ALCAM: variants seen among roughly 807,000 people sequenced by gnomAD.
ALCAM encodes activated leukocyte cell adhesion molecule.
A neutral mutation model predicts 70.9 loss-of-function variants in ALCAM; 30 were observed. The observed-to-expected ratio is 0.42, with a 90% CI of 0.32 to 0.57. The LOEUF (loss-of-function observed/expected upper bound fraction) is 0.57, where lower values mean the gene tolerates loss of function less well. ALCAM is among the 20% of genes least tolerant of loss of function. The probability of loss-of-function intolerance (pLI) is 0.11; values close to 1 mark genes in which losing one functional copy is unlikely to be tolerated. For missense variants in ALCAM, 591 were observed against 695.1 expected (o/e 0.85, Z 1.68); for synonymous variants, 249 against 242.5 (o/e 1.03, Z -0.25).
Position 105,571,831 on chromosome 3 carries a change from GTTTA to G in ALCAM, c.1665-16_1665-13del, listed in dbSNP as rs1483158577. ...AACATGTATGTGTCAATATGATGAA[GTTTA>G]TTTAATTCTCTTACAGGACTGCATC... is the stretch of plus-strand genomic sequence containing the variant. On this transcript the variant is annotated splice_polypyrimidine_tract_variant and intron_variant, in intron 14 of 15. Transcript: ENST00000306107. 1.6e-5 allele frequency: 25 copies of G among 1,538,082 alleles called. No homozygotes were observed. Among genetic ancestry groups the G allele is most frequent in the Non-Finnish European group, 2.1e-5 (23 of 1,120,460 alleles).
At chr3:105,565,405 T>A (rs1181593423) in intron 14 of ALCAM, among the ~76,000 whole-genome samples, 1 of 152,204 alleles carries the variant, frequency 6.6e-6, no homozygotes, top group Non-Finnish European at 1.5e-5. Context: ...AGTTGCAATA[T>A]CTGATCTTCC....
chr3:105,416,699 T>G (rs1185383361), intron 1 of ALCAM, among the ~76,000 whole-genome samples: 1 of 152,056 alleles, frequency 6.6e-6, no homozygotes, highest in Non-Finnish European at 1.5e-5. Flanking sequence ...ATCTTATTTC[T>G]ATGCATTGCC....
chr3:105,400,261 T>A (rs1257349949), intron 1 of ALCAM, among the ~76,000 whole-genome samples: 1 of 152,136 alleles, frequency 6.6e-6, no homozygotes, highest in African/African-American at 2.4e-5. Flanking sequence ...AAGCTTCTAA[T>A]CTGCCATTGA....
chr3:105,573,639 G>A (rs1412971590), intron 15 of ALCAM, among the ~76,000 whole-genome samples: 1 of 152,052 alleles, frequency 6.6e-6, no homozygotes, highest in African/African-American at 2.4e-5. Flanking sequence ...GCAATTTGAG[G>A]TTTTTCTTTT....
chr3:105,488,086 G>A (rs1340536740), intron 1 of ALCAM, among the ~76,000 whole-genome samples: 1 of 152,258 alleles, frequency 6.6e-6, no homozygotes, highest in African/African-American at 2.4e-5. Flanking sequence ...GGTCCTGGGA[G>A]AACTGCTTGT....
intron 1 of ALCAM, among the ~76,000 whole-genome samples, chr3:105,378,070 TCAG>T (rs1350774252): frequency 6.6e-6 from 1 of 152,000 alleles, no homozygotes; most frequent in Non-Finnish European, 1.5e-5. Context: ...ACAAAGCTTG[TCAG>T]AATTTTGTAT....
intron 13 of ALCAM, 129 bp downstream of exon 13, chr3:105,552,311 A>G: frequency 1.6e-6 from 2 of 1,281,094 alleles, no homozygotes; most frequent in Non-Finnish European, 2.2e-6. Flanking sequence ...ACAAGATAGT[A>G]AGAATGCTAA....
chr3:105,495,172 C>A (rs187608468), intron 1 of ALCAM, among the ~76,000 whole-genome samples: 9 of 152,268 alleles, frequency 5.9e-5, no homozygotes, highest in African/African-American at 2.2e-4. Context: ...TCTGTGGTGA[C>A]GAGCTTGTGA....
At chr3:105,440,865 T>A (rs1357185060) in intron 1 of ALCAM, 1 of 152,294 alleles carries the variant, frequency 6.6e-6, no homozygotes, top group Non-Finnish European at 1.5e-5. Context: ...GAAGGACTGA[T>A]GTGAGTTACT....
chr3:105,440,552 C>T (rs1937147809), intron 1 of ALCAM, among the ~76,000 whole-genome samples: 1 of 152,086 alleles, frequency 6.6e-6, no homozygotes, highest in Admixed American at 6.5e-5. Flanking sequence ...TCAGCTAAGG[C>T]CCAGCAAATG....
chr3:105,534,787 T>C lies in ALCAM; in HGVS notation c.672T>C (p.Tyr224=), dbSNP rs79951414. 834 of 1,613,802 alleles carry C rather than the reference T, an allele frequency of 5.2e-4. 4 individuals are homozygous for C. The African/African-American group carries it at 9.4e-3, about 18-fold the overall frequency. ...TGCCATTCACCTGCTCGGTGACATA[T>C]TATGGACCATCTGGCCAGAAAACAA... The part of the protein sequence containing the change: ...IQMPFTCSVT[Y]YGPSGQKTIH... The change falls in exon 6 of 16, where the codon TAT becomes TAC. Residue 224 remains tyrosine (Y), a synonymous_variant. Transcript: ENST00000306107.
intron 1 of ALCAM, among the ~76,000 whole-genome samples, chr3:105,461,042 C>T (rs34198525): frequency 0.28 from 40,425 of 145,180 alleles, 5,863 homozygotes; most frequent in Admixed American, 0.46. Context: ...GTGTGGTGTG[C>T]GTTGGGGTGA....
chr3:105,530,679 C>T (rs1035956520), intron 3 of ALCAM, among the ~76,000 whole-genome samples: 5 of 151,486 alleles, frequency 3.3e-5, no homozygotes, highest in African/African-American at 9.7e-5. Context: ...TTAAGTAGGC[C>T]CTCTTATAAT....
chr3:105,451,270 G>T (rs971860479), intron 1 of ALCAM, among the ~76,000 whole-genome samples: 1 of 148,338 alleles, frequency 6.7e-6, no homozygotes, highest in Non-Finnish European at 1.5e-5. Context: ...AAGAAAGGAA[G>T]GAAAGGAAGG....
chr3:105,461,020 GTGTC>G (rs1393638237), intron 1 of ALCAM, among the ~76,000 whole-genome samples: 2 of 151,912 alleles, frequency 1.3e-5, no homozygotes, highest in African/African-American at 4.8e-5. Context: ...GTGTGTATGT[GTGTC>G]TGCATGTGTG....
At chr3:105,392,295 C>A (rs1408329416) in intron 1 of ALCAM, among the ~76,000 whole-genome samples, 2 of 151,710 alleles carry the variant, frequency 1.3e-5, no homozygotes, top group Non-Finnish European at 2.9e-5. Context: ...CTGGTTTAGT[C>A]TTGGGGTGGT....
intron 14 of ALCAM, 148 bp from the exon 15 acceptor site, chr3:105,571,704 C>G (rs1273444828): frequency 1.7e-6 from 1 of 578,622 alleles, no homozygotes; most frequent in African/African-American, 1.9e-5. Flanking sequence ...CATTATCAGT[C>G]AAGGCTCACA....
chr3:105,553,158 TTA>T lies in ALCAM; in HGVS notation c.1664+574_1664+575del, dbSNP rs1330541188. ...GTACCAACACTACATTAAAAATGCT[TTA>T]GAGATGTTAAACATTATTAGTTATA... On this transcript the variant is annotated intron_variant, in intron 14 of 15. Transcript: ENST00000306107. 3.3e-6 allele frequency: 3 copies of T among 905,788 alleles called. No individual in the cohort carries two copies. In the African/African-American group the frequency reaches 5.4e-5, roughly 16 times the overall value. 56.1% of individuals were successfully genotyped at this position (905,788 alleles called of 1,614,324 possible).
chr3:105,382,703 T>C (rs906715431), intron 1 of ALCAM, among the ~76,000 whole-genome samples: 1 of 152,060 alleles, frequency 6.6e-6, no homozygotes, highest in Non-Finnish European at 1.5e-5. Flanking sequence ...ATGATGAGCA[T>C]TTTTTCATGT....
Sources: allele counts gnomAD v4.1 joint callset (sites outside exome capture counted in the v4.1 genomes callset), GRCh38; gene constraint gnomAD v4.1.1; transcripts MANE v1.5; gene names NCBI Gene and HGNC (gene_info 2026-07-23, HGNC 2026-07-21).